The following CPT1A variants were observed in gnomAD, a reference collection of about 807,000 sequenced individuals.
CPT1A encodes the protein carnitine O-palmitoyltransferase 1, liver isoform.
In CPT1A, 64 loss-of-function variants were observed where a neutral mutation model predicts 100.8. That is an observed-to-expected ratio of 0.63 (90% confidence interval 0.52 to 0.78). The LOEUF is 0.78. Among genes scored for constraint, CPT1A ranks in the 30% least tolerant of loss-of-function variants. The probability of loss-of-function intolerance (pLI) is 0.00; values close to 1 mark genes in which losing one functional copy is unlikely to be tolerated. For missense variants in CPT1A, 802 were observed against 1,034.1 expected, an observed-to-expected ratio of 0.78 and a Z score of 3.08; for synonymous variants, 363 against 396.0, an observed-to-expected ratio of 0.92 and a Z score of 0.99.
chr11:68,842,830 T>G (rs533886153), upstream of CPT1A, among the ~76,000 whole-genome samples: 1 of 152,128 alleles, frequency 6.6e-6, no homozygotes, highest in South Asian at 2.1e-4. Context: ...GCCCCAAGCG[T>G]AACAGGAGGG....
At chr11:68,806,390 T>C (rs891491673) in intron 4 of CPT1A, among the ~76,000 whole-genome samples, 1 of 152,002 alleles carries the variant, frequency 6.6e-6, no homozygotes, top group Non-Finnish European at 1.5e-5. Flanking sequence ...CCCAACACTT[T>C]GGGAGGTCAA....
chr11:68,757,687 T>G lies in CPT1A; in HGVS notation c.2279A>C (p.Asp760Ala). Residue 760 changes from aspartate to alanine, a missense_variant, in exon 19 of 19, where the codon GAC becomes GCC. Asp to Ala is a moderately radical substitution (Grantham distance 126). Transcript: ENST00000265641. The part of the protein sequence containing the change: ...FGRHLKEAMT[D>A]IITLFGLSSN... Reference sequence around the variant, plus strand: ...ACTGAGACCAAACAAAGTGATGATGTCAGTCATTGCTTCTTTCAGGTGCCT... The same window carrying G: ...ACTGAGACCAAACAAAGTGATGATGGCAGTCATTGCTTCTTTCAGGTGCCT... The G allele has an allele frequency of 1.2e-6, 2 of 1,614,188 alleles. No homozygotes were observed. The highest frequency in any genetic ancestry group is 1.7e-6 in the Non-Finnish European group (2 of 1,180,022).
At chr11:68,773,218 G>A (rs1250677682) in intron 14 of CPT1A, 47 bp downstream of exon 14, 1 of 1,611,062 alleles carries the variant, frequency 6.2e-7, no homozygotes, top group Admixed American at 1.7e-5. Context: ...GCAGGTGTAG[G>A]AACCCCCAAA....
intron 9 of CPT1A, among the ~76,000 whole-genome samples, chr11:68,790,058 G>C (rs893265068): frequency 6.6e-6 from 1 of 151,802 alleles, no homozygotes; most frequent in African/African-American, 2.4e-5. Flanking sequence ...TTCTTAATCG[G>C]AAGTAGGGTC....
intron 1 of CPT1A, among the ~76,000 whole-genome samples, chr11:68,837,377 C>T (rs1033484081): frequency 2.0e-5 from 3 of 152,198 alleles, no homozygotes; most frequent in African/African-American, 7.2e-5. Flanking sequence ...CAGAACACAG[C>T]GTTAGGAAAG....
chr11:68,799,151 T>A, intron 6 of CPT1A, 67 bp downstream of exon 6: 2 of 1,435,556 alleles, frequency 1.4e-6, no homozygotes, highest in Non-Finnish European at 2.0e-6. Context: ...CTGTTATCCC[T>A]GCCCCTCAAA....
chr11:68,775,050 G>A (rs906158380), intron 13 of CPT1A, among the ~76,000 whole-genome samples: 1 of 152,132 alleles, frequency 6.6e-6, no homozygotes, highest in Admixed American at 6.5e-5. Flanking sequence ...TAGATGTCTA[G>A]TTAAGTTTAA....
At chr11:68,791,195 CAAACTT>C (rs1345894017) in intron 9 of CPT1A, among the ~76,000 whole-genome samples, 1 of 152,206 alleles carries the variant, frequency 6.6e-6, no homozygotes, top group East Asian at 1.9e-4. Context: ...CCGCATGTCT[CAAACTT>C]AAATGATCTT....
At chr11:68,828,031 G>A (rs757702380) in intron 1 of CPT1A, among the ~76,000 whole-genome samples, 3 of 152,166 alleles carry the variant, frequency 2.0e-5, no homozygotes, top group Non-Finnish European at 2.9e-5. Flanking sequence ...TTGCAGCATC[G>A]TATTTTAATG....
intron 9 of CPT1A, among the ~76,000 whole-genome samples, chr11:68,787,469 C>G (rs1374761439): frequency 6.6e-6 from 1 of 151,258 alleles, no homozygotes; most frequent in African/African-American, 2.4e-5. Context: ...GGTAGAAACA[C>G]AGTTTATAAA....
Position 68,761,580 on chromosome 11 carries a change from G to A in CPT1A, c.1983C>T (p.Tyr661=), listed in dbSNP as rs374136875. Residue 661 remains tyrosine, a synonymous_variant, in exon 16 of 19, where the codon TAC becomes TAT. Coordinates refer to ENST00000265641, the MANE Select transcript of CPT1A (RefSeq NM_001876.4). ...CCACAGCGAGATATTTAGACACCAC[G>A]TAAAGGCAGAAGAGGTGACGATCGA... is the stretch of plus-strand genomic sequence containing the variant. ...SGIDRHLFCL[Y]VVSKYLAVES... is the part of the protein sequence containing the mutation. 7.6e-5 allele frequency: 122 copies of A among 1,614,084 alleles called. No individual in the cohort carries two copies. The African/African-American group carries it at 1.1e-3, about 15-fold the overall frequency.
At chr11:68,786,011 G>C in intron 9 of CPT1A, 1 of 702,356 alleles carries the variant, frequency 1.4e-6, no homozygotes, top group Non-Finnish European at 2.6e-6. Context: ...GGGATGCACA[G>C]TGACAGCTGA....
intron 14 of CPT1A, among the ~76,000 whole-genome samples, chr11:68,763,669 C>G (rs2153995348): frequency 6.6e-6 from 1 of 152,230 alleles, no homozygotes; most frequent in South Asian, 2.1e-4. Context: ...AGAAAGCGGG[C>G]CTGCTGAGGG....
At chr11:68,834,931 G>C (rs993822960) in intron 1 of CPT1A, among the ~76,000 whole-genome samples, 1 of 151,104 alleles carries the variant, frequency 6.6e-6, no homozygotes. Flanking sequence ...CTGGGGAGGC[G>C]GAGGTTGCAG....
chr11:68,810,158 A>G (rs1856162553), intron 3 of CPT1A, among the ~76,000 whole-genome samples: 1 of 151,986 alleles, frequency 6.6e-6, no homozygotes, highest in South Asian at 2.1e-4. Context: ...AGCCTGGGTG[A>G]CAGAGTGAGA....
intron 1 of CPT1A, among the ~76,000 whole-genome samples, chr11:68,826,182 A>T (rs1457112282): frequency 1.3e-5 from 2 of 152,200 alleles, no homozygotes; most frequent in African/African-American, 4.8e-5. Context: ...ACTGTGGCTC[A>T]GGCCTGTAAT....
intron 1 of CPT1A, among the ~76,000 whole-genome samples, chr11:68,832,219 C>T (rs772332808): frequency 2.6e-5 from 4 of 152,142 alleles, no homozygotes; most frequent in Admixed American, 6.5e-5. Flanking sequence ...CAGGCCAAGG[C>T]GGACAGATCA....
chr11:68,801,741 G>T (rs952551671), intron 5 of CPT1A, among the ~76,000 whole-genome samples: 3 of 146,902 alleles, frequency 2.0e-5, no homozygotes, highest in Non-Finnish European at 2.9e-5. Context: ...TATTATTATA[G>T]TTTTAAAATT....
intron 4 of CPT1A, among the ~76,000 whole-genome samples, chr11:68,804,664 C>G (rs911769367): frequency 5.9e-5 from 9 of 152,218 alleles, no homozygotes; most frequent in African/African-American, 2.2e-4. Flanking sequence ...CGTGAGATGT[C>G]GCTGCCAGCG....
Sources: gnomAD v4.1 joint callset for allele counts (sites outside exome capture counted in the v4.1 genomes callset) on GRCh38, gnomAD v4.1.1 for gene constraint, MANE v1.5 for transcripts, NCBI Gene and HGNC (gene_info 2026-07-23, HGNC 2026-07-21) for gene names.